Variants in OVCH1 observed in about 807,000 individuals in gnomAD.
The protein encoded by OVCH1 is ovochymase 1.
A neutral mutation model predicts 138.4 loss-of-function variants in OVCH1; 139 were observed. That is an observed-to-expected ratio of 1.00 (90% confidence interval 0.87 to 1.16). The LOEUF (loss-of-function observed/expected upper bound fraction) is 1.16, where lower values mean the gene tolerates loss of function less well. Ranked by LOEUF, OVCH1 falls within the 50% of genes most tolerant of loss-of-function variation. The pLI, the probability that OVCH1 is intolerant of heterozygous loss-of-function variation, is 0.00. For synonymous variants in OVCH1, 453 were observed against 467.8 expected (o/e 0.97, Z 0.41); for missense variants, 1,367 against 1,357.9 (o/e 1.01, Z -0.11).
the OVCH1 span, among the ~76,000 whole-genome samples, chr12:29,403,271 A>G: frequency 6.6e-6 from 1 of 152,216 alleles, no homozygotes; most frequent in East Asian, 1.9e-4. Flanking sequence ...ATTTAATCAC[A>G]ATATTGAGTT....
At chr12:29,495,392 T>C (rs750777521) in exon 4 of OVCH1, 1 of 1,613,472 alleles carries the variant, frequency 6.2e-7, no homozygotes, top group Non-Finnish European at 8.5e-7. Context: ...AATATTCTGT[T>C]CTTGCTTATC....
intron 25 of OVCH1, chr12:29,439,516 A>G: frequency 3.7e-6 from 5 of 1,347,912 alleles, no homozygotes; most frequent in Non-Finnish European, 4.8e-6. Flanking sequence ...CTCTACACCA[A>G]CTAAAGGAAA....
intron 3 of OVCH1, among the ~76,000 whole-genome samples, chr12:29,421,920 T>C (rs114883893): frequency 1.6e-4 from 24 of 152,252 alleles, no homozygotes; most frequent in African/African-American, 5.8e-4. Context: ...GTGTTGTTTA[T>C]TCAATATTAT....
Position 29,486,107 on chromosome 12 carries a change from A to G in OVCH1, c.995+139T>C, listed in dbSNP as rs927660102. On this transcript the variant is annotated intron_variant, in intron 8 of 27. Transcript: ENST00000318184. ...AGGTTTTAAATGTTGGAGCCTATGT[A>G]TGAATATGAGCAGGGCTTTTAAAGT... The G allele has an allele frequency of 2.9e-5, 22 of 759,004 alleles. No individual in the cohort carries two copies. The East Asian group carries it at 6.1e-4, about 21-fold the overall frequency. 47.0% of individuals were successfully genotyped at this position (759,004 alleles called of 1,614,324 possible). A position where few individuals can be genotyped will look rare whatever the true frequency, so the allele number is the denominator to read the frequency against.
chr12:29,485,606 C>G (rs1019793646), intron 8 of OVCH1, among the ~76,000 whole-genome samples: 2 of 152,020 alleles, frequency 1.3e-5, no homozygotes, highest in Middle Eastern at 3.2e-3. Context: ...AAACACGTCT[C>G]TACTAAAAAT....
At chr12:29,476,149 T>G in intron 13 of OVCH1, 57 bp downstream of exon 13, 1 of 1,400,504 alleles carries the variant, frequency 7.1e-7, no homozygotes, top group South Asian at 1.2e-5. Context: ...CCAGCCCATG[T>G]TGCCACTACT....
chr12:29,431,792 G>A (rs1415912460), intron 27 of OVCH1, among the ~76,000 whole-genome samples: 2 of 152,066 alleles, frequency 1.3e-5, no homozygotes, highest in Non-Finnish European at 2.9e-5. Flanking sequence ...CTACATTAAA[G>A]GTTTTCTATG....
rs764285521 is a variant in OVCH1 at position 29,471,981 on chromosome 12, A to G, written c.1677T>C (p.Asp559=). 5 of 1,607,442 alleles carry G rather than the reference A, an allele frequency of 3.1e-6. No individual in the cohort carries two copies. The Admixed American group carries it at 6.8e-5, about 22-fold the overall frequency. ...GACTAAATGGAGGGATGCCACAGAC[A>G]TCTACAGTAAAGATGAAACCAATGA... is the stretch of plus-strand genomic sequence containing the variant. The change falls in exon 16 of 28, where the codon GAT becomes GAC. Residue 559 remains aspartate, a splice_region_variant and synonymous_variant. Coordinates refer to ENST00000318184, the Ensembl canonical transcript of OVCH1.
At chr12:29,437,918 A>C (rs890063514) in intron 26 of OVCH1, among the ~76,000 whole-genome samples, 9 of 151,236 alleles carry the variant, frequency 6.0e-5, no homozygotes, top group Non-Finnish European at 1.5e-5. Flanking sequence ...TAGGTTCTAT[A>C]AATTTATTTT....
chr12:29,474,046 GTTAATAC>G (rs1353734225), intron 14 of OVCH1, among the ~76,000 whole-genome samples: 1 of 144,968 alleles, frequency 6.9e-6, no homozygotes, highest in Non-Finnish European at 1.5e-5. Flanking sequence ...GATCATGTAA[GTTAATAC>G]TTAATAAACA....
At chr12:29,455,472 G>C (rs1307109758) in intron 19 of OVCH1, 67 bp from the exon 20 acceptor site, 7 of 1,469,410 alleles carry the variant, frequency 4.8e-6, no homozygotes, top group Non-Finnish European at 6.4e-6. Flanking sequence ...TCAGTTTTTA[G>C]AACAAGAATG....
Position 29,491,199 on chromosome 12 carries a change from A to T in OVCH1, c.455-7T>A. The T allele has an allele frequency of 6.2e-7, 1 of 1,610,244 alleles. No individual in the cohort carries two copies. Among genetic ancestry groups the T allele is most frequent in the South Asian group, 1.1e-5 (1 of 90,902 alleles). On this transcript the variant is annotated splice_region_variant and splice_polypyrimidine_tract_variant and intron_variant, in intron 4 of 27. Transcript: ENST00000318184. Reference sequence around the variant, plus strand: ...ATTGGCTGAACAGCATTTCCTGAGAAAACAACAAAGGCATGAGGTTCATGG... The same window carrying T: ...ATTGGCTGAACAGCATTTCCTGAGATAACAACAAAGGCATGAGGTTCATGG...
chr12:29,474,228 T>C (rs1248183627), intron 14 of OVCH1, among the ~76,000 whole-genome samples: 1 of 152,162 alleles, frequency 6.6e-6, no homozygotes, highest in Non-Finnish European at 1.5e-5. Flanking sequence ...TTCTTTACAA[T>C]GATTTTCTCA....
At chr12:29,408,031 T>G (rs1233281071), downstream of OVCH1, among the ~76,000 whole-genome samples, 3 of 140,390 alleles carry the variant, frequency 2.1e-5, no homozygotes, top group Non-Finnish European at 3.3e-5. Context: ...ACATCCCTTG[T>G]AAGTTGGATT....
intron 22 of OVCH1, among the ~76,000 whole-genome samples, chr12:29,450,688 A>G (rs1941762900): frequency 6.6e-6 from 1 of 152,200 alleles, no homozygotes; most frequent in African/African-American, 2.4e-5. Flanking sequence ...AGGATTATAA[A>G]TCATTCTGCT....
chr12:29,406,583 A>G, the OVCH1 span, among the ~76,000 whole-genome samples: 1 of 151,300 alleles, frequency 6.6e-6, no homozygotes, highest in Admixed American at 6.6e-5. Flanking sequence ...GTGATAGTTT[A>G]CTGAGAATGA....
At chr12:29,455,178 C>T in intron 20 of OVCH1, 71 bp downstream of exon 20, 1 of 1,499,072 alleles carries the variant, frequency 6.7e-7, no homozygotes, top group Non-Finnish European at 9.1e-7. Context: ...TAATTTATAC[C>T]ACACTCACTG....
intron 3 of OVCH1, among the ~76,000 whole-genome samples, chr12:29,418,786 A>G (rs1449997460): frequency 6.6e-6 from 1 of 152,216 alleles, no homozygotes; most frequent in Non-Finnish European, 1.5e-5. Context: ...GGAGTGAGGA[A>G]ATAGACATTT....
chr12:29,491,030 T>G (rs1313132806), intron 5 of OVCH1, 67 bp downstream of exon 5: 1 of 1,351,032 alleles, frequency 7.4e-7, no homozygotes, highest in East Asian at 2.3e-5. Flanking sequence ...GTCAACAAAA[T>G]TATTTCTGCT....
Sources: gnomAD v4.1 joint callset for allele counts (sites outside exome capture counted in the v4.1 genomes callset) on GRCh38, gnomAD v4.1.1 for gene constraint, MANE v1.5 for transcripts, NCBI Gene and HGNC (gene_info 2026-07-23, HGNC 2026-07-21) for gene names.